The following HEXD variants were observed in gnomAD, a reference collection of about 807,000 sequenced individuals.
HEXD encodes N-acetyl-beta-galactosaminidase.
Under a neutral mutation model 54.2 loss-of-function variants are expected in HEXD, and 47 were observed. The ratio of observed to expected loss-of-function variants is 0.87; its 90% CI spans 0.69 to 1.11. The LOEUF (loss-of-function observed/expected upper bound fraction) is 1.11. HEXD is among the 50% of genes least tolerant of loss of function. The pLI, the probability that HEXD is intolerant of heterozygous loss-of-function variation, is 0.00. For missense variants in HEXD, 576 were observed against 649.2 expected (o/e 0.89, Z 1.23); for synonymous variants, 293 against 287.6 (o/e 1.02, Z -0.19).
chr17:82,436,723 G>T lies in HEXD; in HGVS notation c.688G>T (p.Asp230Tyr), dbSNP rs752178365. The change falls in exon 7 of 13, where the codon GAT becomes TAT. Residue 230 changes from aspartate (D) to tyrosine (Y), a missense_variant. Physicochemically the swap from Asp to Tyr is radical, Grantham distance 160 (BLOSUM62 -3). Transcript: ENST00000327949. ...GCTCTGGGACTACACGGCCGACCTG[G>T]ATGTGCACGGCAAGGGTCAGTGCCA... Reference protein sequence around the residue: ...PVLWDYTADLDVHGKVLLMQK... With the variant: ...PVLWDYTADLYVHGKVLLMQK... 21 of 1,612,548 alleles carry T rather than the reference G, an allele frequency of 1.3e-5. No individual in the cohort carries two copies. The Admixed American group carries it at 3.5e-4, about 27-fold the overall frequency.
intron 8 of HEXD, 84 bp downstream of exon 8, chr17:82,437,447 C>T: frequency 1.6e-6 from 2 of 1,254,926 alleles, no homozygotes; most frequent in South Asian, 1.7e-5. Flanking sequence ...CCGCCAAGGG[C>T]CTTCCCAGGT....
At chr17:82,436,909 C>T in intron 7 of HEXD, 171 bp downstream of exon 7, 1 of 647,720 alleles carries the variant, frequency 1.5e-6, no homozygotes. Context: ...GGCCACCGTG[C>T]ACCGGTGCCT....
rs114906230 is a variant in HEXD at position 82,431,713 on chromosome 17, G to A, written c.283-1945G>A. 3.4e-3 allele frequency among the ~76,000 whole-genome samples: 524 copies of A among 152,112 alleles called. 3 individuals are homozygous for A. The highest frequency in any genetic ancestry group is 0.012 in the African/African-American group (498 of 41,490). On this transcript the variant is annotated intron_variant, in intron 4 of 12. Coordinates refer to ENST00000327949, the MANE Select transcript of HEXD (RefSeq NM_001330542.2). ...ACTACAGGCATGAGCCACCATGCCC[G>A]GCCTCCTTTCATTCTTACAATATAT...
chr17:82,442,550 A>G lies in HEXD; in HGVS notation c.*166A>G, dbSNP rs1233743979. 6.3e-7 allele frequency: 1 copy of G among 1,585,254 alleles called. No homozygotes were observed. The highest frequency in any genetic ancestry group is 1.7e-5 in the Admixed American group (1 of 59,356). On this transcript the variant is annotated 3_prime_UTR_variant, in exon 13 of 13. Transcript: ENST00000327949. The surrounding 1 kb of genome is among the most constrained non-coding windows in gnomAD (Gnocchi z 6.8). ...CTGGGCAGCCCCTGGGGGAGAGACT[A>G]GAAAACACAGAAGGAAGCAGCACAG...
At position 82,439,766 on chromosome 17, in the gene HEXD, G is replaced by A. The variant is rs571968985; in HGVS notation, c.982+53G>A. 943 of 1,597,972 alleles carry A rather than the reference G, an allele frequency of 5.9e-4. 4 individuals are homozygous for A. Among genetic ancestry groups the A allele is most frequent in the African/African-American group, 2.5e-3 (188 of 75,014 alleles). On this transcript the variant is annotated intron_variant, in intron 9 of 12. Transcript: ENST00000327949. ...CCACCGGCCCCTCCCCGAAAGACCC[G>A]GAGGGCAGGAGGCCAAGCACCCAGT...
At position 82,436,715 on chromosome 17, in the gene HEXD, C is replaced by G. The variant is rs752791797; in HGVS notation, c.680C>G (p.Ala227Gly). Residue 227 changes from alanine (A) to glycine (G), a missense_variant, in exon 7 of 13, where the codon GCC becomes GGC. Coordinates refer to ENST00000327949, the MANE Select transcript of HEXD (RefSeq NM_001330542.2). ...LVEPVLWDYT[A>G]DLDVHGKVLL... ...GAGCCGGTGCTCTGGGACTACACGG[C>G]CGACCTGGATGTGCACGGCAAGGGT... 1.9e-5 allele frequency: 30 copies of G among 1,612,642 alleles called. No individual in the cohort carries two copies. In the South Asian group the frequency reaches 3.1e-4, roughly 17 times the overall value.
At chr17:82,435,372 C>A (rs962042957) in intron 5 of HEXD, among the ~76,000 whole-genome samples, 1 of 152,200 alleles carries the variant, frequency 6.6e-6, no homozygotes, top group African/African-American at 2.4e-5. Context: ...TGGCTGTCTG[C>A]TGAAGCCGAG....
chr17:82,440,328 G>T (rs373401055), intron 9 of HEXD: 3 of 1,243,336 alleles, frequency 2.4e-6, no homozygotes, highest in Non-Finnish European at 1.0e-6. Flanking sequence ...GGACGGGGAC[G>T]CGGCCGGTGA....
In HEXD at chr17:82,442,332, C is replaced by T; in HGVS notation, c.1409C>T (p.Ala470Val). 1.2e-6 allele frequency: 2 copies of T among 1,609,434 alleles called. No individual in the cohort carries two copies. Among genetic ancestry groups the T allele is most frequent in the South Asian group, 1.1e-5 (1 of 91,032 alleles). ...CTGCAGGACCTCAGCGAGGTGTCTGCCCCCCCGCTGCCACCCACCAGCCCT... is the reference window on the plus strand; with the variant it reads ...CTGCAGGACCTCAGCGAGGTGTCTGTCCCCCCGCTGCCACCCACCAGCCCT... ...ALLQDLSEVSAPPLPPTSPGR... is the reference protein window; with the variant it reads ...ALLQDLSEVSVPPLPPTSPGR... The change falls in exon 13 of 13, where the codon GCC becomes GTC. Residue 470 changes from alanine to valine, a missense_variant. By Grantham distance (64) the Ala-to-Val change is moderately conservative. Transcript: ENST00000327949. This position sits in a 1 kb window ranked among gnomAD's most constrained non-coding sequence, Gnocchi z 6.8.
chr17:82,436,415 C>T (rs1419211275), intron 6 of HEXD, among the ~76,000 whole-genome samples: 1 of 152,240 alleles, frequency 6.6e-6, no homozygotes, highest in Non-Finnish European at 1.5e-5. Flanking sequence ...CATTCAGCCG[C>T]GTGCTCCAGC....
rs1047149689 is a variant in HEXD, at chr17:82,418,540, A to T, written c.-252A>T. 8 of 1,048,746 alleles carry T rather than the reference A, an allele frequency of 7.6e-6. No individual in the cohort carries two copies. The African/African-American group carries it at 1.4e-4, about 18-fold the overall frequency. 65.0% of individuals were successfully genotyped at this position (1,048,746 alleles called of 1,614,324 possible). ...ACGCGGGCGCCAGGCCCGGGGACGA[A>T]CGCCGTAACAGGGAGCGCGAGGCAG... is the stretch of plus-strand genomic sequence containing the variant. On this transcript the variant is annotated 5_prime_UTR_variant, in exon 1 of 13. Transcript: ENST00000327949.
At chr17:82,421,160 G>A (rs1363266474) in intron 2 of HEXD, among the ~76,000 whole-genome samples, 1 of 152,154 alleles carries the variant, frequency 6.6e-6, no homozygotes. Context: ...CTGAGATTGA[G>A]TGCAAAGAGA....
chr17:82,433,497 A>C (rs117874616), intron 4 of HEXD, among the ~76,000 whole-genome samples, 161 bp from the exon 5 acceptor site: 8,411 of 152,040 alleles, frequency 0.055, 288 homozygotes, highest in Middle Eastern at 0.085. Flanking sequence ...CATTCTACCC[A>C]CCTCAGCCCC....
At chr17:82,440,694 G>C (rs2053910542) in intron 9 of HEXD, 1 of 458,586 alleles carries the variant, frequency 2.2e-6, no homozygotes, top group Non-Finnish European at 3.9e-6. Flanking sequence ...GGACACCTGT[G>C]TGGGTCGGGC....
intron 4 of HEXD, among the ~76,000 whole-genome samples, chr17:82,431,664 G>A (rs781098147): frequency 3.3e-5 from 5 of 151,924 alleles, no homozygotes; most frequent in Non-Finnish European, 4.4e-5. Context: ...TGATCTGCCC[G>A]CTTCGGCCTC....
intron 11 of HEXD, 58 bp from the exon 12 acceptor site, chr17:82,441,742 A>G (rs2053981970): frequency 1.8e-5 from 24 of 1,329,788 alleles, no homozygotes; most frequent in Non-Finnish European, 2.6e-5. Context: ...ATTACTGCAA[A>G]GCCGCCCCAC....
chr17:82,440,982 C>G lies in HEXD; in HGVS notation c.983-15C>G. 1.2e-6 allele frequency: 2 copies of G among 1,613,308 alleles called. No individual in the cohort carries two copies. Among genetic ancestry groups the G allele is most frequent in the Non-Finnish European group, 1.7e-6 (2 of 1,179,928 alleles). ...CAGAGGCCCCTCCAACCGCCCCGCTCATTTGTGATTTCAGGAGGATTTGAT... is the reference window on the plus strand; with the variant it reads ...CAGAGGCCCCTCCAACCGCCCCGCTGATTTGTGATTTCAGGAGGATTTGAT... On this transcript the variant is annotated splice_polypyrimidine_tract_variant and intron_variant, in intron 9 of 12. Coordinates refer to ENST00000327949, the MANE Select transcript of HEXD (RefSeq NM_001330542.2).
At chr17:82,436,887 G>A (rs1162413935) in intron 7 of HEXD, 149 bp downstream of exon 7, 8 of 716,036 alleles carry the variant, frequency 1.1e-5, no homozygotes, top group Admixed American at 8.4e-5. Flanking sequence ...CCAGCCCATG[G>A]TGCCTCGGGA....
At chr17:82,440,247 C>T (rs774112187) in intron 9 of HEXD, 26 of 1,288,700 alleles carry the variant, frequency 2.0e-5, no homozygotes, top group East Asian at 5.5e-5. Flanking sequence ...TTAGCGACTG[C>T]GTGGTGCTGA....
Sources: allele counts gnomAD v4.1 joint callset (sites outside exome capture counted in the v4.1 genomes callset), GRCh38; gene constraint gnomAD v4.1.1; non-coding constraint Gnocchi (gnomAD v3.1); transcripts MANE v1.5; gene names NCBI Gene and HGNC (gene_info 2026-07-23, HGNC 2026-07-21).